CFAP299: variants seen among roughly 807,000 people sequenced by gnomAD.
The protein encoded by CFAP299 is cilia and flagella associated protein 299, also known as cilia- and flagella-associated protein 299.
A neutral mutation model predicts 27.0 loss-of-function variants in CFAP299; 21 were observed. The ratio of observed to expected loss-of-function variants is 0.78; its 90% CI spans 0.55 to 1.12. The LOEUF is 1.12. CFAP299 is among the 50% of genes most tolerant of loss of function. The pLI, the probability that CFAP299 is intolerant of heterozygous loss-of-function variation, is 0.00. For missense variants in CFAP299, 310 were observed against 276.6 expected (o/e 1.12, Z -0.86); for synonymous variants, 104 against 98.1 (o/e 1.06, Z -0.36).
chr4:80,349,721 G>A (rs1722928167), intron 1 of CFAP299, among the ~76,000 whole-genome samples: 1 of 152,090 alleles, frequency 6.6e-6, no homozygotes, highest in Admixed American at 6.5e-5. Flanking sequence ...AAATTCTAAA[G>A]CCATTCTTAC....
intron 1 of CFAP299, among the ~76,000 whole-genome samples, chr4:80,361,174 C>A (rs1051900687): frequency 6.6e-6 from 1 of 152,156 alleles, no homozygotes; most frequent in African/African-American, 2.4e-5. Context: ...ATAGATCATG[C>A]CATTTCTTGC....
At chr4:80,751,429 T>A (rs771716639) in intron 3 of CFAP299, among the ~76,000 whole-genome samples, 1 of 152,012 alleles carries the variant, frequency 6.6e-6, no homozygotes, top group Non-Finnish European at 1.5e-5. Flanking sequence ...AATGGCTGAG[T>A]CAACCCAACT....
At chr4:80,506,871 T>TA in intron 2 of CFAP299, among the ~76,000 whole-genome samples, 3 of 152,254 alleles carry the variant, frequency 2.0e-5, no homozygotes, top group Admixed American at 2.0e-4. Flanking sequence ...GGAGATTCAA[T>TA]ATAATATGAA....
chr4:80,408,714 G>A (rs968187634), intron 2 of CFAP299, among the ~76,000 whole-genome samples: 2 of 151,902 alleles, frequency 1.3e-5, no homozygotes, highest in Non-Finnish European at 2.9e-5. Context: ...ACTGCCATTT[G>A]AGGAAATGGA....
intron 2 of CFAP299, among the ~76,000 whole-genome samples, chr4:80,473,076 G>T (rs113854903): frequency 6.6e-6 from 1 of 151,964 alleles, no homozygotes; most frequent in African/African-American, 2.4e-5. Context: ...ATTTCTCAGG[G>T]GTCATAGGCA....
intron 2 of CFAP299, among the ~76,000 whole-genome samples, chr4:80,372,491 CTG>C (rs1339167359): frequency 6.6e-6 from 1 of 152,208 alleles, no homozygotes; most frequent in African/African-American, 2.4e-5. Context: ...AAGCCAAACT[CTG>C]GAGTTGTGAG....
chr4:80,839,468 G>A (rs1166742259), intron 3 of CFAP299, among the ~76,000 whole-genome samples: 1 of 152,086 alleles, frequency 6.6e-6, no homozygotes, highest in Non-Finnish European at 1.5e-5. Flanking sequence ...AGACCGAAAG[G>A]TTTGGCAGGT....
intron 2 of CFAP299, among the ~76,000 whole-genome samples, chr4:80,430,148 T>C (rs929010456): frequency 1.3e-5 from 2 of 152,202 alleles, no homozygotes; most frequent in African/African-American, 4.8e-5. Flanking sequence ...ATTTAATATA[T>C]TTTTTACTAA....
chr4:80,590,873 T>C (rs1158488974), intron 3 of CFAP299, among the ~76,000 whole-genome samples: 1 of 152,068 alleles, frequency 6.6e-6, no homozygotes, highest in East Asian at 1.9e-4. Context: ...AAGAGTAGGA[T>C]TGAAGAATAG....
chr4:80,917,612 A>C (rs1264626213), intron 4 of CFAP299, among the ~76,000 whole-genome samples: 1 of 152,134 alleles, frequency 6.6e-6, no homozygotes, highest in African/African-American at 2.4e-5. Context: ...ACAAGCCTCC[A>C]AATTTTTCAC....
intron 4 of CFAP299, among the ~76,000 whole-genome samples, chr4:80,906,826 C>T (rs1436307750): frequency 2.0e-5 from 3 of 152,194 alleles, no homozygotes; most frequent in Non-Finnish European, 4.4e-5. Context: ...GGCCATTTTT[C>T]CCTCCTAGTC....
chr4:80,441,496 A>G (rs1728354740), intron 2 of CFAP299, among the ~76,000 whole-genome samples: 1 of 152,212 alleles, frequency 6.6e-6, no homozygotes, highest in African/African-American at 2.4e-5. Context: ...TTTACAGACA[A>G]ACAAATGCTG....
intron 2 of CFAP299, among the ~76,000 whole-genome samples, chr4:80,425,854 A>G (rs1403934990): frequency 2.0e-5 from 3 of 152,252 alleles, no homozygotes; most frequent in African/African-American, 4.8e-5. Context: ...GGGAATGATT[A>G]TAGTCTTGTG....
intron 2 of CFAP299, among the ~76,000 whole-genome samples, chr4:80,493,491 G>A (rs1254955116): frequency 1.3e-5 from 2 of 152,200 alleles, no homozygotes; most frequent in African/African-American, 4.8e-5. Context: ...ATTGGAATGA[G>A]TTAGGGTGGA....
chr4:80,367,919 C>T (rs547372418), intron 2 of CFAP299, among the ~76,000 whole-genome samples: 1 of 152,330 alleles, frequency 6.6e-6, no homozygotes, highest in South Asian at 2.1e-4. Flanking sequence ...ATATTCGTGA[C>T]ACACATTGAC....
chr4:80,789,510 T>C (rs1190034460), intron 3 of CFAP299, among the ~76,000 whole-genome samples: 1 of 152,094 alleles, frequency 6.6e-6, no homozygotes, highest in Admixed American at 6.6e-5. Flanking sequence ...ACGATTTTGT[T>C]AATATGTTGA....
chr4:80,525,606 T>C (rs967864534), intron 2 of CFAP299, among the ~76,000 whole-genome samples: 1 of 152,170 alleles, frequency 6.6e-6, no homozygotes, highest in Non-Finnish European at 1.5e-5. Flanking sequence ...TAAAACTCTT[T>C]AGCAAAGCTT....
intron 2 of CFAP299, among the ~76,000 whole-genome samples, chr4:80,562,135 A>AT (rs1449426503): frequency 5.9e-5 from 9 of 152,174 alleles, no homozygotes; most frequent in Admixed American, 2.0e-4. Flanking sequence ...AAGTAAAAAA[A>AT]CCTACAACAG....
In CFAP299 at chr4:80,650,824, T is replaced by C. The variant is rs184567036; in HGVS notation, c.333+67641T>C. On this transcript the variant is annotated intron_variant, in intron 3 of 5. Coordinates refer to ENST00000358105, the MANE Select transcript of CFAP299 (RefSeq NM_152770.3). ...GCATCCTAAACTATGAGGATGCAAA[T>C]GCATAAGAATGACACAATGGACTTT... 2.4e-3 allele frequency among the ~76,000 whole-genome samples: 365 copies of C among 152,188 alleles called. 1 individual carries two copies. The highest frequency in any genetic ancestry group is 8.4e-3 in the African/African-American group (347 of 41,532).
Sources: gnomAD v4.1 joint callset for allele counts (sites outside exome capture counted in the v4.1 genomes callset) on GRCh38, gnomAD v4.1.1 for gene constraint, MANE v1.5 for transcripts, NCBI Gene and HGNC (gene_info 2026-07-23, HGNC 2026-07-21) for gene names.